The following BAZ2B variants were observed in gnomAD, a reference collection of about 807,000 sequenced individuals.
BAZ2B encodes bromodomain adjacent to zinc finger domain protein 2B.
A neutral mutation model predicts 246.0 loss-of-function variants in BAZ2B; 91 were observed. That is an observed-to-expected ratio of 0.37 (90% CI 0.31 to 0.44). The LOEUF is 0.44. Ranked by LOEUF, BAZ2B falls within the 20% of genes least tolerant of loss-of-function variation. The probability of loss-of-function intolerance (pLI) is 1.00; values close to 1 mark genes in which losing one functional copy is unlikely to be tolerated. For synonymous variants in BAZ2B, 855 were observed against 860.0 expected (o/e 0.99, Z 0.10); for missense variants, 2,332 against 2,533.7 (o/e 0.92, Z 1.71).
At chr2:159,453,554 G>A in intron 4 of BAZ2B, 59 bp downstream of exon 4, 1 of 1,475,504 alleles carries the variant, frequency 6.8e-7, no homozygotes, top group Non-Finnish European at 9.1e-7. Flanking sequence ...ACAAATTATT[G>A]CTTGAACATT....
At chr2:159,345,962 A>C (rs1374061735) in intron 31 of BAZ2B, among the ~76,000 whole-genome samples, 1 of 152,254 alleles carries the variant, frequency 6.6e-6, no homozygotes, top group Non-Finnish European at 1.5e-5. Context: ...GAAGGCAATG[A>C]AATGTGTAAC....
intron 25 of BAZ2B, among the ~76,000 whole-genome samples, chr2:159,382,184 A>G (rs1392443631): frequency 6.6e-6 from 1 of 152,220 alleles, no homozygotes; most frequent in East Asian, 1.9e-4. Flanking sequence ...CATTATTTTC[A>G]CTAAACCTGA....
At chr2:159,462,223 A>G in intron 3 of BAZ2B, 2 of 504,574 alleles carry the variant, frequency 4.0e-6, no homozygotes, top group Non-Finnish European at 7.2e-6. Flanking sequence ...AGAGAACACA[A>G]AAGAATCAGA....
intron 2 of BAZ2B, among the ~76,000 whole-genome samples, chr2:159,529,018 C>T (rs1390614030): frequency 1.3e-5 from 2 of 151,038 alleles, no homozygotes; most frequent in African/African-American, 2.4e-5. Context: ...ATGTAAATGA[C>T]GAGTTAATGG....
chr2:159,337,477 C>T, intron 32 of BAZ2B, 90 bp downstream of exon 32: 1 of 1,610,520 alleles, frequency 6.2e-7, no homozygotes, highest in Non-Finnish European at 8.5e-7. Flanking sequence ...ACCATCACCA[C>T]TAACGGATGG....
intron 33 of BAZ2B, among the ~76,000 whole-genome samples, chr2:159,336,034 G>T (rs926655595): frequency 2.0e-5 from 3 of 152,140 alleles, no homozygotes; most frequent in African/African-American, 7.2e-5. Context: ...GGTGGTGGGT[G>T]CCTGTAATCC....
At chr2:159,701,671 T>C in the BAZ2B span, among the ~76,000 whole-genome samples, 1 of 148,080 alleles carries the variant, frequency 6.8e-6, no homozygotes, top group African/African-American at 2.4e-5. Flanking sequence ...ACATATTTTA[T>C]ATTTTATATT....
At chr2:159,410,644 T>C (rs935468885) in intron 14 of BAZ2B, among the ~76,000 whole-genome samples, 2 of 152,188 alleles carry the variant, frequency 1.3e-5, no homozygotes, top group African/African-American at 2.4e-5. Context: ...CATAACTTTA[T>C]AGCAGTGTGA....
chr2:159,379,341 G>A (rs557718511), intron 25 of BAZ2B, among the ~76,000 whole-genome samples: 1 of 152,254 alleles, frequency 6.6e-6, no homozygotes, highest in Non-Finnish European at 1.5e-5. Flanking sequence ...GGAGGACAGG[G>A]AAATTGGGGA....
downstream of BAZ2B, among the ~76,000 whole-genome samples, chr2:159,316,168 CA>C (rs1391092836): frequency 6.6e-6 from 1 of 151,676 alleles, no homozygotes; most frequent in Non-Finnish European, 1.5e-5. Context: ...AAGAATAAAA[CA>C]AAAAAAGTAA....
the BAZ2B span, among the ~76,000 whole-genome samples, chr2:159,690,624 A>G: frequency 6.6e-6 from 1 of 152,312 alleles, no homozygotes; most frequent in South Asian, 2.1e-4. Context: ...AAGTCCGCAC[A>G]CTGTATCTTT....
intron 27 of BAZ2B, among the ~76,000 whole-genome samples, chr2:159,366,253 T>G (rs1410649687): frequency 6.6e-6 from 1 of 152,174 alleles, no homozygotes; most frequent in Non-Finnish European, 1.5e-5. Flanking sequence ...TACTTCCACT[T>G]CAGACCTGCA....
chr2:159,511,344 C>G (rs914882997), intron 2 of BAZ2B, among the ~76,000 whole-genome samples: 7 of 152,190 alleles, frequency 4.6e-5, no homozygotes, highest in African/African-American at 1.7e-4. Context: ...GCTGGGATTA[C>G]AGGCACCCAA....
At chr2:159,518,310 T>C (rs939178499) in intron 2 of BAZ2B, among the ~76,000 whole-genome samples, 2 of 152,144 alleles carry the variant, frequency 1.3e-5, no homozygotes, top group African/African-American at 4.8e-5. Context: ...CAAAAACCAG[T>C]TGGAAAAAGA....
intron 1 of BAZ2B, among the ~76,000 whole-genome samples, chr2:159,593,170 G>A (rs912792903): frequency 6.6e-6 from 1 of 152,192 alleles, no homozygotes; most frequent in Non-Finnish European, 1.5e-5. Flanking sequence ...ATGCTAATCT[G>A]TACCATCAGA....
chr2:159,353,819 G>C (rs571580862), intron 27 of BAZ2B, among the ~76,000 whole-genome samples: 1 of 152,266 alleles, frequency 6.6e-6, no homozygotes, highest in South Asian at 2.1e-4. Flanking sequence ...AATGAGCACT[G>C]TTCTAGTTCT....
intron 13 of BAZ2B, among the ~76,000 whole-genome samples, chr2:159,413,063 T>G (rs2067077026): frequency 6.6e-6 from 1 of 152,158 alleles, no homozygotes; most frequent in Non-Finnish European, 1.5e-5. Context: ...ACTTGAATGG[T>G]TGCCTATCAT....
intron 1 of BAZ2B, among the ~76,000 whole-genome samples, chr2:159,591,552 T>C (rs2151703407): frequency 6.6e-6 from 1 of 152,276 alleles, no homozygotes; most frequent in South Asian, 2.1e-4. Context: ...TAATCTAAAA[T>C]ATAAAAAGAA....
intron 1 of BAZ2B, among the ~76,000 whole-genome samples, chr2:159,595,047 C>T (rs916990508): frequency 1.3e-5 from 2 of 151,996 alleles, no homozygotes; most frequent in African/African-American, 4.8e-5. Flanking sequence ...TTATTCAATG[C>T]GTAATAACTT....
Sources: gnomAD v4.1 joint callset for allele counts (sites outside exome capture counted in the v4.1 genomes callset) on GRCh38, gnomAD v4.1.1 for gene constraint, MANE v1.5 for transcripts, NCBI Gene and HGNC (gene_info 2026-07-23, HGNC 2026-07-21) for gene names.